Variants in FERMT2 observed in about 807,000 individuals in gnomAD.
FERMT2 encodes the protein FERM domain containing kindlin 2, also known as fermitin family homolog 2.
FERMT2 carries 15 observed loss-of-function variants against 82.7 expected under a neutral mutation model. The ratio of observed to expected loss-of-function variants is 0.18; its 90% CI spans 0.12 to 0.28. The LOEUF is 0.28. FERMT2 is among the 10% of genes least tolerant of loss of function. The pLI is 1.00. For missense variants in FERMT2, 645 were observed against 809.4 expected (o/e 0.80, Z 2.46); for synonymous variants, 274 against 271.5 (o/e 1.01, Z -0.09).
In FERMT2 at chr14:52,905,357, T is replaced by C. The variant is rs557219751; in HGVS notation, c.392-11930A>G. Among the ~76,000 whole-genome samples, 210 of 152,032 alleles carry C rather than the reference T, an allele frequency of 1.4e-3. 10 individuals are homozygous for C. The South Asian group carries it at 0.042, about 30-fold the overall frequency. ...AATGCAAGCAGGCACTGGGGAGAAA[T>C]TGGGCAGGAAAGTAGTCTCATGGTA... On this transcript the variant is annotated intron_variant, in intron 3 of 14. Coordinates refer to ENST00000341590, the MANE Select transcript of FERMT2 (RefSeq NM_006832.3).
chr14:52,901,280 C>CCAAA (rs1887630207), intron 3 of FERMT2, among the ~76,000 whole-genome samples: 1 of 57,258 alleles, frequency 1.7e-5, no homozygotes, highest in Non-Finnish European at 2.9e-5. Flanking sequence ...GACTCTGTCT[C>CCAAA]AAAAAAAAAA....
intron 7 of FERMT2, among the ~76,000 whole-genome samples, chr14:52,875,621 G>T (rs533235865): frequency 3.6e-4 from 55 of 151,536 alleles, no homozygotes; most frequent in African/African-American, 1.3e-3. Flanking sequence ...GAGTTAACTG[G>T]TCCTCAACTG....
At chr14:52,918,454 A>C (rs897449971) in intron 3 of FERMT2, among the ~76,000 whole-genome samples, 6 of 152,232 alleles carry the variant, frequency 3.9e-5, no homozygotes, top group African/African-American at 1.4e-4. Flanking sequence ...TAACATGAAT[A>C]AAAAACTGCA....
At chr14:52,899,729 T>TTG (rs1212509296) in intron 3 of FERMT2, among the ~76,000 whole-genome samples, 1 of 152,214 alleles carries the variant, frequency 6.6e-6, no homozygotes, top group African/African-American at 2.4e-5. Flanking sequence ...TTGCATTTCA[T>TTG]TACAACAATA....
At chr14:52,903,110 T>C (rs923487694) in intron 3 of FERMT2, among the ~76,000 whole-genome samples, 1 of 151,570 alleles carries the variant, frequency 6.6e-6, no homozygotes, top group African/African-American at 2.4e-5. Flanking sequence ...TCCATCACAA[T>C]GAATGAAAAT....
At chr14:52,943,441 G>A (rs1566764706) in intron 2 of FERMT2, among the ~76,000 whole-genome samples, 1 of 152,008 alleles carries the variant, frequency 6.6e-6, no homozygotes, top group African/African-American at 2.4e-5. Flanking sequence ...GTATATCAAA[G>A]GAGATTAAGA....
chr14:52,943,808 T>C (rs1376247066), intron 2 of FERMT2, among the ~76,000 whole-genome samples: 1 of 152,214 alleles, frequency 6.6e-6, no homozygotes, highest in African/African-American at 2.4e-5. Flanking sequence ...CTTAGATGTT[T>C]GAAACTTTTA....
chr14:52,902,868 C>CAAAAAAAAAAAAAA, intron 3 of FERMT2, among the ~76,000 whole-genome samples: 2 of 5,544 alleles, frequency 3.6e-4, no homozygotes, highest in African/African-American at 1.2e-3. Flanking sequence ...GACTCCGTCT[C>CAAAAAAAAAAAAAA]AAAAAAAAAA....
intron 3 of FERMT2, among the ~76,000 whole-genome samples, chr14:52,897,984 A>AAT (rs1456105421): frequency 6.7e-6 from 1 of 149,426 alleles, no homozygotes; most frequent in Non-Finnish European, 1.5e-5. Context: ...CTCAAAAAAA[A>AAT]AAAAAAAAAA....
At chr14:52,950,709 G>A (rs1379224151) in intron 1 of FERMT2, 132 bp from the exon 2 acceptor site, 30 of 851,366 alleles carry the variant, frequency 3.5e-5, no homozygotes, top group Middle Eastern at 3.6e-4. Context: ...AAACTCGGGA[G>A]GGCGGCGGCG....
At chr14:52,913,213 G>C (rs1188507817) in intron 3 of FERMT2, among the ~76,000 whole-genome samples, 1 of 152,042 alleles carries the variant, frequency 6.6e-6, no homozygotes, top group Non-Finnish European at 1.5e-5. Flanking sequence ...ATCTTTAGGT[G>C]GATATTTAAA....
At chr14:52,865,744 T>A (rs994018252) in intron 10 of FERMT2, among the ~76,000 whole-genome samples, 1 of 152,130 alleles carries the variant, frequency 6.6e-6, no homozygotes, top group African/African-American at 2.4e-5. Context: ...GAATATAAGA[T>A]CATACACACT....
Position 52,857,961 on chromosome 14 carries a change from A to ATAT in FERMT2, c.*413_*415dup, listed in dbSNP as rs1355389327. 6.4e-6 allele frequency: 1 copy of ATAT among 155,198 alleles called. No individual in the cohort carries two copies. The highest frequency in any genetic ancestry group is 2.4e-5 in the African/African-American group (1 of 41,516). 9.6% of individuals were successfully genotyped at this position (155,198 alleles called of 1,614,324 possible). A position where few individuals can be genotyped will look rare whatever the true frequency, so the allele number is the denominator to read the frequency against. On this transcript the variant is annotated 3_prime_UTR_variant, in exon 15 of 15. Coordinates refer to ENST00000341590, the MANE Select transcript of FERMT2 (RefSeq NM_006832.3). ...GAATTAAATGGCTACCAGAAGTAGGATATTTTAAAACATGATATCAAATTA... is the reference window on the plus strand; with the variant it reads ...GAATTAAATGGCTACCAGAAGTAGGATATTATTTTAAAACATGATATCAAATTA...
intron 1 of FERMT2, 78 bp from the exon 2 acceptor site, chr14:52,950,655 G>A (rs1890589568): frequency 6.8e-7 from 1 of 1,466,348 alleles, no homozygotes; most frequent in Non-Finnish European, 9.4e-7. Flanking sequence ...TCGCAGCGCC[G>A]GCCACGGGCT....
intron 2 of FERMT2, among the ~76,000 whole-genome samples, chr14:52,925,559 A>C (rs905407168): frequency 7.4e-4 from 88 of 118,846 alleles, no homozygotes; most frequent in African/African-American, 3.5e-3. Context: ...ACTCTGTCTC[A>C]AAAAAAAAAA....
intron 4 of FERMT2, 28 bp downstream of exon 4, chr14:52,893,265 T>G: frequency 2.5e-6 from 4 of 1,573,386 alleles, no homozygotes; most frequent in Non-Finnish European, 2.6e-6. Context: ...GTTCTTACTT[T>G]GAGTCCATTG....
chr14:52,881,183 A>C (rs1260022274), intron 5 of FERMT2, 45 bp from the exon 6 acceptor site: 1 of 1,591,932 alleles, frequency 6.3e-7, no homozygotes, highest in Non-Finnish European at 8.6e-7. Context: ...CAGAATGAAG[A>C]CAATATTTCT....
At chr14:52,907,662 G>A (rs1458976586) in intron 3 of FERMT2, among the ~76,000 whole-genome samples, 1 of 151,960 alleles carries the variant, frequency 6.6e-6, no homozygotes, top group Admixed American at 6.6e-5. Context: ...GGCTGAATAA[G>A]TTAAAGTCAT....
chr14:52,858,387 C>T lies in FERMT2; in HGVS notation c.2033G>A (p.Gly678Asp). ...AAACAGTATTCCTATTCACACCCAA[C>T]CACTGGTAAGTTTGTAGAACATCTC... ...DEEMFYKLTS[G>D]WV Residue 678 changes from glycine (G) to aspartate (D), a missense_variant, in exon 15 of 15, where the codon GGT becomes GAT. Transcript: ENST00000341590. 6.2e-7 allele frequency: 1 copy of T among 1,613,852 alleles called. No homozygotes were observed. The highest frequency in any genetic ancestry group is 1.3e-5 in the African/African-American group (1 of 75,044).
Sources: gnomAD v4.1 joint callset for allele counts (sites outside exome capture counted in the v4.1 genomes callset) on GRCh38, gnomAD v4.1.1 for gene constraint, MANE v1.5 for transcripts, NCBI Gene and HGNC (gene_info 2026-07-23, HGNC 2026-07-21) for gene names.